MEGF10: variants seen among roughly 807,000 people sequenced by gnomAD.
MEGF10 encodes multiple EGF like domains 10, also known as multiple epidermal growth factor-like domains protein 10.
Under a neutral mutation model 147.5 loss-of-function variants are expected in MEGF10, and 86 were observed. That is an observed-to-expected ratio of 0.58 (90% CI 0.49 to 0.70). The LOEUF (loss-of-function observed/expected upper bound fraction) is 0.70. Ranked by LOEUF, MEGF10 falls within the 30% of genes least tolerant of loss-of-function variation. The pLI, the probability that MEGF10 is intolerant of heterozygous loss-of-function variation, is 0.00. For missense variants in MEGF10, 1,329 were observed against 1,487.3 expected (o/e 0.89, Z 1.75); for synonymous variants, 478 against 525.5 (o/e 0.91, Z 1.24).
chr5:127,331,338 C>T lies in MEGF10; in HGVS notation c.30C>T (p.Ser10=), dbSNP rs1175344178. MVISLNSCL[S]FICLLLCHWI... Reference sequence around the variant, plus strand: ...TTATTTCTTTGAACTCATGCCTGAGCTTTATTTGTTTATTGTTATGCCACT... The same window carrying T: ...TTATTTCTTTGAACTCATGCCTGAGTTTTATTTGTTTATTGTTATGCCACT... The change falls in exon 2 of 25, where the codon AGC becomes AGT. Residue 10 remains serine, a synonymous_variant. Coordinates refer to ENST00000503335, the MANE Select transcript of MEGF10 (RefSeq NM_001256545.2). 1 of 1,612,616 alleles carries T rather than the reference C, an allele frequency of 6.2e-7. No individual in the cohort carries two copies. The highest frequency in any genetic ancestry group is 1.1e-5 in the South Asian group (1 of 90,978).
At chr5:127,297,502 G>C (rs1580675618) in intron 1 of MEGF10, among the ~76,000 whole-genome samples, 2 of 152,214 alleles carry the variant, frequency 1.3e-5, no homozygotes, top group East Asian at 3.9e-4. Flanking sequence ...TGGCAGTTTT[G>C]AGAGCTGCCA....
chr5:127,422,736 A>C lies in MEGF10; in HGVS notation c.1657A>C (p.Thr553Pro), dbSNP rs766247007. The change falls in exon 13 of 25, where the codon ACC becomes CCC. Residue 553 changes from threonine to proline, a missense_variant. This residue lies in a region of MEGF10 where 980 missense variants were observed against 1,085.9 expected (regional missense o/e 0.90). Coordinates refer to ENST00000503335, the MANE Select transcript of MEGF10 (RefSeq NM_001256545.2). ...DCSHADGCHP[T>P]TGHCRCLPGW... ...CAGCCACGCAGATGGCTGCCACCCTACCACGGGCCATTGCCGCTGCCTCCC... is the reference window on the plus strand; with the variant it reads ...CAGCCACGCAGATGGCTGCCACCCTCCCACGGGCCATTGCCGCTGCCTCCC... 3.1e-6 allele frequency: 5 copies of C among 1,613,866 alleles called. No individual in the cohort carries two copies. The African/African-American group carries it at 6.7e-5, about 22-fold the overall frequency.
intron 13 of MEGF10, among the ~76,000 whole-genome samples, chr5:127,429,244 G>T (rs1765313637): frequency 1.3e-5 from 2 of 152,008 alleles, no homozygotes; most frequent in African/African-American, 4.8e-5. Flanking sequence ...TTCCTTTATG[G>T]CCTAATAATC....
At chr5:127,242,442 G>A in the MEGF10 span, among the ~76,000 whole-genome samples, 1 of 152,184 alleles carries the variant, frequency 6.6e-6, no homozygotes, top group African/African-American at 2.4e-5. Context: ...CAGTGATGTG[G>A]TCTGCAAAAG....
intron 5 of MEGF10, among the ~76,000 whole-genome samples, chr5:127,374,906 C>A (rs79200803): frequency 1.3e-5 from 2 of 152,342 alleles, no homozygotes; most frequent in East Asian, 3.9e-4. Context: ...GCCCAAACTT[C>A]AGTTACTTGG....
Position 127,331,366 on chromosome 5 carries a change from A to T in MEGF10, c.58A>T (p.Ile20Phe). 6.2e-7 allele frequency: 1 copy of T among 1,613,472 alleles called. No individual in the cohort carries two copies. The highest frequency in any genetic ancestry group is 1.1e-5 in the South Asian group (1 of 91,052). The change falls in exon 2 of 25, where the codon ATT becomes TTT. Residue 20 changes from isoleucine (I) to phenylalanine (F), a missense_variant. Physicochemically the swap from Ile to Phe is conservative, Grantham distance 21. Around this residue, in one of 3 missense-constraint regions of MEGF10, gnomAD observed 980 missense variants for 1,085.9 expected, o/e 0.90. Coordinates refer to ENST00000503335, the MANE Select transcript of MEGF10 (RefSeq NM_001256545.2). ...TATTTGTTTATTGTTATGCCACTGG[A>T]TTGGGACAGCATCACCTCTGAATCT... ...SFICLLLCHWIGTASPLNLED... is the reference protein window; with the variant it reads ...SFICLLLCHWFGTASPLNLED...
chr5:127,427,310 A>G (rs1174144724), intron 13 of MEGF10, among the ~76,000 whole-genome samples: 5 of 152,172 alleles, frequency 3.3e-5, no homozygotes, highest in Non-Finnish European at 5.9e-5. Context: ...TCAATGGCAA[A>G]TGAGAAGAGG....
At chr5:127,297,723 C>T (rs1031824395) in intron 1 of MEGF10, among the ~76,000 whole-genome samples, 6 of 152,320 alleles carry the variant, frequency 3.9e-5, no homozygotes, top group Admixed American at 6.5e-5. Context: ...AGGACCTGCC[C>T]ATCCCCATAG....
At chr5:127,434,585 G>C in intron 14 of MEGF10, 102 bp from the exon 15 acceptor site, 1 of 1,268,380 alleles carries the variant, frequency 7.9e-7, no homozygotes, top group Non-Finnish European at 1.0e-6. Flanking sequence ...TTTTTTTTAA[G>C]GTTTTGCTTT....
chr5:127,265,682 A>G, the MEGF10 span, among the ~76,000 whole-genome samples: 1 of 151,900 alleles, frequency 6.6e-6, no homozygotes, highest in South Asian at 2.1e-4. Context: ...GGTGATGAGC[A>G]TTTTTTCATG....
At chr5:127,361,338 G>A (rs1018879442) in intron 4 of MEGF10, among the ~76,000 whole-genome samples, 29 of 151,776 alleles carry the variant, frequency 1.9e-4, no homozygotes, top group African/African-American at 6.5e-4. Context: ...ACATTTACCT[G>A]TAAAAAAATC....
the MEGF10 span, among the ~76,000 whole-genome samples, chr5:127,255,148 A>G: frequency 2.0e-5 from 3 of 152,004 alleles, no homozygotes; most frequent in Non-Finnish European, 4.4e-5. Context: ...GGACTGGTTG[A>G]ATCATGAGTC....
At chr5:127,352,128 G>A (rs1371798091) in intron 4 of MEGF10, among the ~76,000 whole-genome samples, 1 of 151,974 alleles carries the variant, frequency 6.6e-6, no homozygotes, top group African/African-American at 2.4e-5. Context: ...AGGGTAAAAT[G>A]GATATTGGGA....
chr5:127,277,759 A>T, the MEGF10 span, among the ~76,000 whole-genome samples: 1 of 152,152 alleles, frequency 6.6e-6, no homozygotes, highest in Non-Finnish European at 1.5e-5. Flanking sequence ...GAGCCTACAG[A>T]ATTTGCTTAT....
rs1766439771 is a variant in MEGF10, at chr5:127,458,268, G to C, written c.*950G>C. The C allele has an allele frequency of 6.6e-6, 1 of 152,220 alleles. No individual in the cohort carries two copies. The highest frequency in any genetic ancestry group is 1.5e-5 in the Non-Finnish European group (1 of 68,022). The allele number at this position is 152,220 out of a possible 1,614,324, so 9.4% of individuals were successfully genotyped here. On this transcript the variant is annotated 3_prime_UTR_variant, in exon 25 of 25. Coordinates refer to ENST00000503335, the MANE Select transcript of MEGF10 (RefSeq NM_001256545.2). ...CTGTAAACCATTAGTAATACATGCT[G>C]TAATATAGAATTAGTGGAACATTTT...
intron 4 of MEGF10, among the ~76,000 whole-genome samples, chr5:127,361,174 T>C (rs1468132538): frequency 6.6e-6 from 1 of 152,000 alleles, no homozygotes; most frequent in African/African-American, 2.4e-5. Context: ...CATCTGGAAT[T>C]GGAGGTTTTT....
the MEGF10 span, among the ~76,000 whole-genome samples, chr5:127,253,545 T>G: frequency 1.9e-4 from 29 of 152,008 alleles, no homozygotes; most frequent in Non-Finnish European, 3.7e-4. Context: ...TTTATATGAT[T>G]CTCTACATAG....
chr5:127,255,427 A>C, the MEGF10 span, among the ~76,000 whole-genome samples: 1,403 of 152,224 alleles, frequency 9.2e-3, 33 homozygotes, highest in African/African-American at 0.032. Flanking sequence ...ATAGCCTTTC[A>C]ATAGTCTTAC....
In MEGF10 at chr5:127,388,983, T is replaced by C. The variant is rs551483068; in HGVS notation, c.413-7549T>C. 3.3e-5 allele frequency among the ~76,000 whole-genome samples: 5 copies of C among 152,334 alleles called. No homozygotes were observed. The South Asian group carries it at 1.0e-3, about 32-fold the overall frequency. ...TCATTAATCATTTGTTGCTCTGCCTTAGAAAGAGTGCTGGTTTCATATTAG... is the reference window on the plus strand; with the variant it reads ...TCATTAATCATTTGTTGCTCTGCCTCAGAAAGAGTGCTGGTTTCATATTAG... On this transcript the variant is annotated intron_variant, in intron 5 of 24. Transcript: ENST00000503335.
Sources: allele counts gnomAD v4.1 joint callset (sites outside exome capture counted in the v4.1 genomes callset), GRCh38; gene constraint gnomAD v4.1.1; regional missense constraint gnomAD v4.1.1; transcripts MANE v1.5; gene names NCBI Gene and HGNC (gene_info 2026-07-23, HGNC 2026-07-21).